MBOAT2: variants seen among roughly 807,000 people sequenced by gnomAD.
The protein encoded by MBOAT2 is membrane-bound glycerophospholipid O-acyltransferase 2.
MBOAT2 carries 28 observed loss-of-function variants against 63.4 expected under a neutral mutation model. That is an observed-to-expected ratio of 0.44 (90% CI 0.33 to 0.61). The LOEUF (loss-of-function observed/expected upper bound fraction) is 0.61, where lower values mean the gene tolerates loss of function less well. Among genes scored for constraint, MBOAT2 ranks in the 20% least tolerant of loss-of-function variants. MBOAT2 has a pLI of 0.03. For missense variants in MBOAT2, 470 were observed against 605.8 expected, an observed-to-expected ratio of 0.78 and a Z score of 2.35; for synonymous variants, 211 against 215.6, an observed-to-expected ratio of 0.98 and a Z score of 0.19.
chr2:8,972,120 C>T (rs1670499927), intron 1 of MBOAT2, among the ~76,000 whole-genome samples: 2 of 152,200 alleles, frequency 1.3e-5, no homozygotes, highest in Admixed American at 6.5e-5. Context: ...TCAAACTATA[C>T]TAGAAGGCTA....
At chr2:8,932,111 A>C (rs563744286) in intron 3 of MBOAT2, among the ~76,000 whole-genome samples, 1 of 152,228 alleles carries the variant, frequency 6.6e-6, no homozygotes, top group African/African-American at 2.4e-5. Flanking sequence ...ACTCTAAATA[A>C]GGACTATTTA....
At chr2:8,974,878 T>G (rs943286566) in intron 1 of MBOAT2, among the ~76,000 whole-genome samples, 1 of 152,148 alleles carries the variant, frequency 6.6e-6, no homozygotes, top group Non-Finnish European at 1.5e-5. Context: ...GATGCAAGCA[T>G]TTTCATCCTA....
rs371271939 is a variant in MBOAT2, at chr2:8,950,041, G to C, written c.222-6777C>G. On this transcript the variant is annotated intron_variant, in intron 2 of 12. Coordinates refer to ENST00000305997, the MANE Select transcript of MBOAT2 (RefSeq NM_138799.4). ...CTTGTAAAGATCTTTCGCCTCCCTA[G>C]TTAGATGTATTCCTAGGTATTTTTT... Among the ~76,000 whole-genome samples, 8 of 152,168 alleles carry C rather than the reference G, an allele frequency of 5.3e-5. No homozygotes were observed. In the East Asian group the frequency reaches 1.2e-3, roughly 22 times the overall value.
chr2:8,877,864 C>T (rs985325633), intron 6 of MBOAT2, among the ~76,000 whole-genome samples: 6 of 152,114 alleles, frequency 3.9e-5, no homozygotes, highest in Non-Finnish European at 7.3e-5. Flanking sequence ...GGCAGCAAGG[C>T]AGCCGTGGGG....
At chr2:8,972,258 G>A (rs1407872682) in intron 1 of MBOAT2, among the ~76,000 whole-genome samples, 16 of 152,158 alleles carry the variant, frequency 1.1e-4, no homozygotes, top group Admixed American at 1.0e-3. Context: ...ACAAAAACAA[G>A]AAATGCGGAA....
At position 8,853,379 on chromosome 2, in the gene MBOAT2, G is replaced by C. The variant is rs1323438012; in HGVS notation, c.*5300C>G. 1 of 152,142 alleles carries C rather than the reference G, an allele frequency of 6.6e-6. No homozygotes were observed. The highest frequency in any genetic ancestry group is 2.4e-5 in the African/African-American group (1 of 41,420). 9.4% of individuals were successfully genotyped at this position (152,142 alleles called of 1,614,324 possible). Reference sequence around the variant, plus strand: ...CGCAGAACCAAAAATACATAAAATTGGGAAAGAGGCATATTTAAAAAGTCT... The same window carrying C: ...CGCAGAACCAAAAATACATAAAATTCGGAAAGAGGCATATTTAAAAAGTCT... On this transcript the variant is annotated 3_prime_UTR_variant, in exon 13 of 13. Transcript: ENST00000305997.
intron 3 of MBOAT2, among the ~76,000 whole-genome samples, chr2:8,934,927 T>C (rs1481131409): frequency 6.6e-6 from 1 of 152,100 alleles, no homozygotes; most frequent in Non-Finnish European, 1.5e-5. Context: ...CCCAGTAGAG[T>C]TGAGGCAGTT....
intron 1 of MBOAT2, among the ~76,000 whole-genome samples, chr2:8,966,190 A>G (rs747836921): frequency 1.3e-5 from 2 of 152,210 alleles, no homozygotes; most frequent in Non-Finnish European, 2.9e-5. Flanking sequence ...AATGCGTAAC[A>G]AACTATACAC....
At chr2:8,936,140 G>A (rs1667644385) in intron 3 of MBOAT2, among the ~76,000 whole-genome samples, 1 of 152,134 alleles carries the variant, frequency 6.6e-6, no homozygotes, top group African/African-American at 2.4e-5. Context: ...AATTGCCTGT[G>A]GTGGGTAGTT....
At chr2:8,959,185 T>C (rs138345611) in intron 1 of MBOAT2, among the ~76,000 whole-genome samples, 330 of 152,244 alleles carry the variant, frequency 2.2e-3, no homozygotes, top group African/African-American at 7.5e-3. Flanking sequence ...ACATCACCAC[T>C]GTAGCTGAGC....
rs1200436321 is a variant in MBOAT2 at position 8,961,214 on chromosome 2, T to C, written c.76-2572A>G. On this transcript the variant is annotated intron_variant, in intron 1 of 12. Coordinates refer to ENST00000305997, the MANE Select transcript of MBOAT2 (RefSeq NM_138799.4). ...AATGTCCAATAAAATCTGAAAAATA[T>C]TCTCTCTCAACCATAAGTAACGAAG... Among the ~76,000 whole-genome samples, 10 of 152,130 alleles carry C rather than the reference T, an allele frequency of 6.6e-5. No individual in the cohort carries two copies. The East Asian group carries it at 1.9e-3, about 29-fold the overall frequency.
At chr2:8,892,854 A>G (rs115111291) in intron 4 of MBOAT2, among the ~76,000 whole-genome samples, 3,966 of 152,166 alleles carry the variant, frequency 0.026, 183 homozygotes, top group African/African-American at 0.09. Context: ...ACGGAGGCCA[A>G]TGTGATGAGC....
intron 1 of MBOAT2, among the ~76,000 whole-genome samples, chr2:8,988,070 T>C (rs1280416314): frequency 6.6e-6 from 1 of 152,168 alleles, no homozygotes; most frequent in African/African-American, 2.4e-5. Flanking sequence ...AAAAGAAGAA[T>C]TAGCTCTCAA....
At chr2:8,950,584 T>C (rs1462828261) in intron 2 of MBOAT2, among the ~76,000 whole-genome samples, 1 of 152,128 alleles carries the variant, frequency 6.6e-6, no homozygotes, top group Non-Finnish European at 1.5e-5. Flanking sequence ...CCTGCCACCA[T>C]GCCTGGCTAA....
intron 3 of MBOAT2, among the ~76,000 whole-genome samples, chr2:8,919,620 T>C (rs1327141337): frequency 6.6e-6 from 1 of 152,180 alleles, no homozygotes; most frequent in Non-Finnish European, 1.5e-5. Flanking sequence ...TGGATCCAAG[T>C]CCTGTATCAG....
intron 3 of MBOAT2, among the ~76,000 whole-genome samples, chr2:8,930,603 G>A (rs1667246685): frequency 2.6e-5 from 4 of 151,782 alleles, no homozygotes; most frequent in Admixed American, 2.0e-4. Context: ...CCAGTAATGG[G>A]ACGGCTGGGT....
chr2:8,980,925 A>T lies in MBOAT2; in HGVS notation c.76-22283T>A, dbSNP rs114929755. 2.2e-3 allele frequency among the ~76,000 whole-genome samples: 342 copies of T among 152,334 alleles called. 1 individual carries two copies. Among genetic ancestry groups the T allele is most frequent in the African/African-American group, 7.7e-3 (322 of 41,580 alleles). On this transcript the variant is annotated intron_variant, in intron 1 of 12. Transcript: ENST00000305997. The stretch of plus-strand genomic sequence containing the variant: ...AAAAATGTTCACAGCAGCATTATTC[A>T]TAATAGCCAAAATGTGAAAACACCC...
At chr2:8,986,937 G>A (rs1671612810) in intron 1 of MBOAT2, among the ~76,000 whole-genome samples, 4 of 152,190 alleles carry the variant, frequency 2.6e-5, no homozygotes, top group Admixed American at 2.6e-4. Context: ...TACAGCCTCT[G>A]GATCTGCGAG....
chr2:8,974,859 A>G (rs1202489700), intron 1 of MBOAT2, among the ~76,000 whole-genome samples: 1 of 152,084 alleles, frequency 6.6e-6, no homozygotes, highest in Non-Finnish European at 1.5e-5. Context: ...TGGCAACCAC[A>G]CCTTAAAGGA....
Sources: gnomAD v4.1 joint callset for allele counts (sites outside exome capture counted in the v4.1 genomes callset) on GRCh38, gnomAD v4.1.1 for gene constraint, MANE v1.5 for transcripts, NCBI Gene and HGNC (gene_info 2026-07-23, HGNC 2026-07-21) for gene names.